The following NFATC1 variants were observed in gnomAD, a reference collection of about 807,000 sequenced individuals.
NFATC1 encodes nuclear factor of activated T-cells, cytoplasmic 1.
In NFATC1, 22 loss-of-function variants were observed where a neutral mutation model predicts 76.0. The observed-to-expected ratio is 0.29, with a 90% CI of 0.21 to 0.41. The LOEUF (loss-of-function observed/expected upper bound fraction) is 0.41. Among genes scored for constraint, NFATC1 ranks in the 10% least tolerant of loss-of-function variants. NFATC1 has a pLI of 1.00. For missense variants in NFATC1, 1,357 were observed against 1,337.7 expected (o/e 1.01, Z -0.23); for synonymous variants, 704 against 613.1 (o/e 1.15, Z -2.19).
chr18:79,495,894 C>T (rs193198321), intron 9 of NFATC1, among the ~76,000 whole-genome samples: 27 of 152,076 alleles, frequency 1.8e-4, no homozygotes, highest in Non-Finnish European at 2.2e-4. Flanking sequence ...ACAGGCAAGC[C>T]GTGAACAGTA....
At chr18:79,478,336 C>G (rs754369839) in intron 8 of NFATC1, among the ~76,000 whole-genome samples, 6 of 152,120 alleles carry the variant, frequency 3.9e-5, no homozygotes, top group Non-Finnish European at 7.4e-5. Flanking sequence ...CCAGCTGTCC[C>G]CCGGGAGCCA....
chr18:79,422,983 C>A lies in NFATC1; in HGVS notation c.1227-10596C>A, dbSNP rs1273850472. On this transcript the variant is annotated intron_variant, in intron 2 of 9. Transcript: ENST00000427363. ...AGCTCAGCTTCTCACCCATCCGGGG[C>A]AGGGCAGGGCAGATAGAGGGGTGGG... 2.0e-5 allele frequency among the ~76,000 whole-genome samples: 3 copies of A among 150,590 alleles called. No individual in the cohort carries two copies. The East Asian group carries it at 5.9e-4, about 30-fold the overall frequency.
At chr18:79,473,958 C>T (rs979149469) in intron 8 of NFATC1, among the ~76,000 whole-genome samples, 9 of 146,578 alleles carry the variant, frequency 6.1e-5, no homozygotes, top group Non-Finnish European at 1.0e-4. Flanking sequence ...CTGAGGGAAG[C>T]GTGTTCTCGC....
rs530066050 is a variant in NFATC1 at position 79,520,540 on chromosome 18, G to GA, written c.2783-6987dup. On this transcript the variant is annotated intron_variant, in intron 9 of 9. Coordinates refer to ENST00000427363, the MANE Select transcript of NFATC1 (RefSeq NM_001278669.2). ...CAGAAGACTCTGTGTGTGGGGGGGG[G>GA]AGGGTGCATCCACCACTAATGTGTG... Among the ~76,000 whole-genome samples, 176 of 147,294 alleles carry GA rather than the reference G, an allele frequency of 1.2e-3. 4 individuals carry two copies. The highest frequency in any genetic ancestry group is 6.3e-4 in the Non-Finnish European group (42 of 66,522).
Position 79,400,187 on chromosome 18 carries a change from G to A in NFATC1, c.127+3836G>A, listed in dbSNP as rs1006770376. The A allele has an allele frequency of 6.4e-5, 75 of 1,165,506 alleles. No individual in the cohort carries two copies. In the Middle Eastern group the frequency reaches 2.5e-3, roughly 39 times the overall value. 72.2% of individuals were successfully genotyped at this position (1,165,506 alleles called of 1,614,324 possible). A position where few individuals can be genotyped will look rare whatever the true frequency, so the allele number is the denominator to read the frequency against. ...GAGTTTATTTAAAAACTCGTGTCCG[G>A]GGAGTTTATTTAAAACTCGGAAGCC... On this transcript the variant is annotated intron_variant, in intron 1 of 9. Coordinates refer to ENST00000427363, the MANE Select transcript of NFATC1 (RefSeq NM_001278669.2).
At chr18:79,447,579 G>A (rs938675619) in intron 3 of NFATC1, among the ~76,000 whole-genome samples, 7 of 152,336 alleles carry the variant, frequency 4.6e-5, no homozygotes, top group African/African-American at 1.7e-4. Flanking sequence ...TGAATCTCAG[G>A]GCTCTGAGGC....
chr18:79,515,531 G>A (rs1383453517), intron 9 of NFATC1, among the ~76,000 whole-genome samples: 4 of 151,916 alleles, frequency 2.6e-5, no homozygotes, highest in East Asian at 1.9e-4. Flanking sequence ...GACCAGGGGC[G>A]TATTGGCTTC....
intron 3 of NFATC1, 177 bp from the exon 4 acceptor site, chr18:79,448,605 C>A: frequency 1.5e-6 from 1 of 651,368 alleles, no homozygotes; most frequent in Non-Finnish European, 2.6e-6. Context: ...ATTGGGATAA[C>A]AAGGCATTTT....
chr18:79,409,403 T>TCATC (rs1432337636), intron 1 of NFATC1, among the ~76,000 whole-genome samples: 1 of 151,232 alleles, frequency 6.6e-6, no homozygotes, highest in Non-Finnish European at 1.5e-5. Flanking sequence ...CCTCCATTCC[T>TCATC]CGTCCATCCA....
chr18:79,478,075 C>T (rs1455079680), intron 8 of NFATC1, among the ~76,000 whole-genome samples: 1 of 146,338 alleles, frequency 6.8e-6, no homozygotes, highest in Non-Finnish European at 1.5e-5. Context: ...TGCCCCCTGC[C>T]CCCCTGCCTG....
intron 8 of NFATC1, among the ~76,000 whole-genome samples, chr18:79,473,762 A>T (rs1245857927): frequency 4.4e-5 from 6 of 137,404 alleles, no homozygotes; most frequent in Non-Finnish European, 7.6e-5. Flanking sequence ...AGGGAAGTGT[A>T]TTCTCACGCT....
chr18:79,521,920 G>T (rs2090604800), intron 9 of NFATC1, among the ~76,000 whole-genome samples: 1 of 127,942 alleles, frequency 7.8e-6, no homozygotes, highest in Non-Finnish European at 1.6e-5. Flanking sequence ...GTGTGTGTGG[G>T]GGCGTCTGCT....
At chr18:79,412,354 A>C (rs1199820749) in intron 2 of NFATC1, among the ~76,000 whole-genome samples, 4 of 151,796 alleles carry the variant, frequency 2.6e-5, no homozygotes, top group African/African-American at 9.7e-5. Flanking sequence ...CCGTGACGTC[A>C]GGGCTGCCGC....
chr18:79,466,706 T>G (rs891329105), intron 7 of NFATC1, among the ~76,000 whole-genome samples: 2 of 151,900 alleles, frequency 1.3e-5, no homozygotes, highest in Non-Finnish European at 2.9e-5. Context: ...TCTGCGGGGG[T>G]CAGGGCCTGC....
At chr18:79,444,726 C>T (rs2087128712) in intron 3 of NFATC1, among the ~76,000 whole-genome samples, 1 of 143,420 alleles carries the variant, frequency 7.0e-6, no homozygotes, top group African/African-American at 2.9e-5. Flanking sequence ...CACAGGCACC[C>T]CCGTGGGCAC....
chr18:79,424,597 C>T (rs932826668), intron 2 of NFATC1, among the ~76,000 whole-genome samples: 2 of 151,560 alleles, frequency 1.3e-5, no homozygotes, highest in African/African-American at 4.9e-5. Context: ...CTCTGTCTCT[C>T]TCTGTCTCTC....
At chr18:79,479,944 T>C (rs961595457) in intron 8 of NFATC1, among the ~76,000 whole-genome samples, 3 of 152,168 alleles carry the variant, frequency 2.0e-5, no homozygotes, top group African/African-American at 7.2e-5. Flanking sequence ...AACCCCAGAC[T>C]TGAGCCAGAC....
rs997558325 is a variant in NFATC1, at chr18:79,400,542, C to T, written c.127+4191C>T. ...AGGTCGGGGTTTGGGGGCGCCCAGG[C>T]CCCCTCCGCGTCCTCGTCGCTCCCC... is the stretch of plus-strand genomic sequence containing the variant. On this transcript the variant is annotated intron_variant, in intron 1 of 9. Coordinates refer to ENST00000427363, the MANE Select transcript of NFATC1 (RefSeq NM_001278669.2). The T allele has an allele frequency of 3.6e-5, 46 of 1,280,160 alleles. No individual in the cohort carries two copies. The South Asian group carries it at 4.3e-4, about 12-fold the overall frequency. The allele number at this position is 1,280,160 out of a possible 1,614,324, so 79.3% of individuals were successfully genotyped here.
At chr18:79,400,536 C>T (rs1233684869) in intron 1 of NFATC1, 3 of 1,298,054 alleles carry the variant, frequency 2.3e-6, no homozygotes, top group South Asian at 4.1e-5. Flanking sequence ...TTTGGGGGCG[C>T]CCAGGCCCCC....
Sources: gnomAD v4.1 joint callset for allele counts (sites outside exome capture counted in the v4.1 genomes callset) on GRCh38, gnomAD v4.1.1 for gene constraint, MANE v1.5 for transcripts, NCBI Gene and HGNC (gene_info 2026-07-23, HGNC 2026-07-21) for gene names.